Variants in FAM89A observed in about 807,000 individuals in gnomAD.
The protein encoded by FAM89A is family with sequence similarity 89 member A.
FAM89A carries 10 observed loss-of-function variants against 7.1 expected under a neutral mutation model. That is an observed-to-expected ratio of 1.40 (90% confidence interval 0.86 to 2.38). The LOEUF is 2.38. Among genes scored for constraint, FAM89A ranks in the 30% most tolerant of loss-of-function variants. The pLI is 0.00. For synonymous variants in FAM89A, 157 were observed against 129.3 expected (o/e 1.21, Z -1.45); for missense variants, 276 against 262.8 (o/e 1.05, Z -0.35).
At position 231,022,326 on chromosome 1, in the gene FAM89A, T is replaced by C. The variant is rs1466270782; in HGVS notation, c.292-2200A>G. On this transcript the variant is annotated intron_variant, in intron 1 of 1. Transcript: ENST00000366654. Reference sequence around the variant, plus strand: ...CTCTTTTGTTTCCAACCCCTTCCTTTTGTTATCTCCAGTTTGATGCTATGG... The same window carrying C: ...CTCTTTTGTTTCCAACCCCTTCCTTCTGTTATCTCCAGTTTGATGCTATGG... 4.8e-6 allele frequency: 3 copies of C among 629,738 alleles called. No individual in the cohort carries two copies. In the African/African-American group the frequency reaches 5.5e-5, roughly 11 times the overall value. 39.0% of individuals were successfully genotyped at this position (629,738 alleles called of 1,614,324 possible).
intron 1 of FAM89A, among the ~76,000 whole-genome samples, chr1:231,029,161 A>G (rs1680026194): frequency 1.3e-5 from 2 of 152,242 alleles, no homozygotes; most frequent in East Asian, 1.9e-4. Flanking sequence ...AAACCAAAAC[A>G]TCATGAAAAA....
intron 1 of FAM89A, chr1:231,026,750 T>C (rs1048240258): frequency 2.0e-5 from 3 of 152,200 alleles, no homozygotes; most frequent in Non-Finnish European, 2.9e-5. Flanking sequence ...CTCTGCAGAA[T>C]TGCATCTGGA....
In FAM89A at chr1:231,025,218, G is replaced by C. The variant is rs879923107; in HGVS notation, c.292-5092C>G. ...ATTACAGGCGTGAGCCACCGTGCCC[G>C]GCCACCACAACTACCCTTGACACCA... On this transcript the variant is annotated intron_variant, in intron 1 of 1. Coordinates refer to ENST00000366654, the MANE Select transcript of FAM89A (RefSeq NM_198552.3). Among the ~76,000 whole-genome samples, 3 of 151,960 alleles carry C rather than the reference G, an allele frequency of 2.0e-5. No individual in the cohort carries two copies. In the East Asian group the frequency reaches 5.8e-4, roughly 29 times the overall value.
chr1:231,031,807 ATTC>A (rs1680074093), intron 1 of FAM89A, among the ~76,000 whole-genome samples: 2 of 152,140 alleles, frequency 1.3e-5, no homozygotes, highest in African/African-American at 4.8e-5. Flanking sequence ...TAGTTACCAT[ATTC>A]TTTTCAACAA....
intron 1 of FAM89A, chr1:231,022,214 G>A: frequency 1.0e-6 from 1 of 953,530 alleles, no homozygotes; most frequent in Non-Finnish European, 1.7e-6. Flanking sequence ...AGAGACGGAT[G>A]GACAATCAGG....
At chr1:231,024,704 T>A (rs901672445) in intron 1 of FAM89A, among the ~76,000 whole-genome samples, 1 of 151,970 alleles carries the variant, frequency 6.6e-6, no homozygotes, top group Non-Finnish European at 1.5e-5. Flanking sequence ...GCCTGGCTAA[T>A]TTTTTAAAGA....
At chr1:231,026,767 C>T (rs886911056) in intron 1 of FAM89A, 2 of 152,192 alleles carry the variant, frequency 1.3e-5, no homozygotes, top group Non-Finnish European at 2.9e-5. Flanking sequence ...TGGATGCCAT[C>T]AACATGCCCC....
intron 1 of FAM89A, among the ~76,000 whole-genome samples, chr1:231,024,914 CT>C (rs60500715): frequency 0.016 from 990 of 63,384 alleles, 7 homozygotes; most frequent in African/African-American, 0.034. Flanking sequence ...CACAACTACT[CT>C]TTTTTTTTTT....
At position 231,019,886 on chromosome 1, in the gene FAM89A, C is replaced by A. The variant is rs772422568; in HGVS notation, c.532G>T (p.Asp178Tyr). The change falls in exon 2 of 2, where the codon GAC (aspartate) becomes TAC (tyrosine). Residue 178 changes from aspartate to tyrosine, a missense_variant. Asp to Tyr is a radical substitution (Grantham distance 160). Transcript: ENST00000366654. ...SLPVSSLSSS[D>Y]WILESI ...CTCTAGATGGACTCCAGAATCCAGT[C>A]GCTGCTGGAGAGGGAGGAGACAGGC... 3.7e-6 allele frequency: 6 copies of A among 1,614,080 alleles called. No individual in the cohort carries two copies. The South Asian group carries it at 4.4e-5, about 12-fold the overall frequency.
At chr1:231,039,313 G>A (rs998049012) in intron 1 of FAM89A, among the ~76,000 whole-genome samples, 3 of 152,222 alleles carry the variant, frequency 2.0e-5, no homozygotes, top group African/African-American at 7.2e-5. Flanking sequence ...TGGGCAATCA[G>A]CTTCGCGGGG....
chr1:231,033,059 T>C (rs1445856905), intron 1 of FAM89A, among the ~76,000 whole-genome samples: 1 of 152,240 alleles, frequency 6.6e-6, no homozygotes, highest in Non-Finnish European at 1.5e-5. Context: ...GCTAAAGGTT[T>C]TTCTGTCTCC....
intron 1 of FAM89A, among the ~76,000 whole-genome samples, chr1:231,024,009 A>T (rs1679920757): frequency 6.6e-6 from 1 of 152,246 alleles, no homozygotes; most frequent in African/African-American, 2.4e-5. Flanking sequence ...AAAAAGATTT[A>T]AAAATGTGTT....
Position 231,019,633 on chromosome 1 carries a change from A to T in FAM89A, c.*230T>A, listed in dbSNP as rs539526199. The T allele has an allele frequency of 9.3e-6, 5 of 537,302 alleles. No homozygotes were observed. The African/African-American group carries it at 9.4e-5, about 10-fold the overall frequency. 33.3% of individuals were successfully genotyped at this position (537,302 alleles called of 1,614,324 possible). A position where few individuals can be genotyped will look rare whatever the true frequency, so the allele number is the denominator to read the frequency against. Reference sequence around the variant, plus strand: ...GCACCTCAATAAATAGGTGTGGAGGATACTGCTGAGGACCTCTAGGTCACC... The same window carrying T: ...GCACCTCAATAAATAGGTGTGGAGGTTACTGCTGAGGACCTCTAGGTCACC... On this transcript the variant is annotated 3_prime_UTR_variant, in exon 2 of 2. Coordinates refer to ENST00000366654, the MANE Select transcript of FAM89A (RefSeq NM_198552.3).
At position 231,019,078 on chromosome 1, in the gene FAM89A, C is replaced by A. The variant is rs190179688; in HGVS notation, c.*785G>T. On this transcript the variant is annotated 3_prime_UTR_variant, in exon 2 of 2. Coordinates refer to ENST00000366654, the MANE Select transcript of FAM89A (RefSeq NM_198552.3). ...GTTTGAGTGGCGGGTGGTTTGCTTT[C>A]TAGCACACTAGTTTACATTCGGAAT... The A allele has an allele frequency of 2.3e-4, 35 of 151,918 alleles. No homozygotes were observed. Among genetic ancestry groups the A allele is most frequent in the Non-Finnish European group, 4.4e-5 (3 of 67,980 alleles). 9.4% of individuals were successfully genotyped at this position (151,918 alleles called of 1,614,324 possible). A position where few individuals can be genotyped will look rare whatever the true frequency, so the allele number is the denominator to read the frequency against.
chr1:231,039,831 G>C (rs1189181077), intron 1 of FAM89A, 90 bp downstream of exon 1: 10 of 1,201,030 alleles, frequency 8.3e-6, no homozygotes, highest in Admixed American at 4.3e-5. Context: ...GGTGGGCGCG[G>C]GGACTTCCGG....
At position 231,040,165 on chromosome 1, in the gene FAM89A, A is replaced by G; in HGVS notation, c.47T>C (p.Val16Ala). 8.3e-7 allele frequency: 1 copy of G among 1,200,946 alleles called. No individual in the cohort carries two copies. Among genetic ancestry groups the G allele is most frequent in the Non-Finnish European group, 1.0e-6 (1 of 968,982 alleles). 74.4% of individuals were successfully genotyped at this position (1,200,946 alleles called of 1,614,324 possible). A position where few individuals can be genotyped will look rare whatever the true frequency, so the allele number is the denominator to read the frequency against. Residue 16 changes from valine to alanine, a missense_variant, in exon 1 of 2, where the codon GTC becomes GCC. Transcript: ENST00000366654. ...CAGCCCGTCCACCCGCAGCCCCCGG[A>G]CCGCGCCGTTGCCCGCGGCCCCGGG... is the stretch of plus-strand genomic sequence containing the variant. ...AAPGAAGNGA[V>A]RGLRVDGLPP...
chr1:231,021,564 A>T (rs1679878373), intron 1 of FAM89A: 4 of 1,125,048 alleles, frequency 3.6e-6, no homozygotes, highest in Non-Finnish European at 5.4e-6. Context: ...ACCTTGGTAT[A>T]GATCACTTCC....
chr1:231,032,474 A>G (rs924802048), intron 1 of FAM89A, among the ~76,000 whole-genome samples: 2 of 148,596 alleles, frequency 1.3e-5, no homozygotes, highest in African/African-American at 5.0e-5. Flanking sequence ...TACCTTTGTC[A>G]GTCTTGGAGG....
At chr1:231,038,010 G>A (rs904520453) in intron 1 of FAM89A, among the ~76,000 whole-genome samples, 14 of 152,162 alleles carry the variant, frequency 9.2e-5, no homozygotes, top group African/African-American at 3.4e-4. Context: ...CCCAGTTCTT[G>A]TTTTGCAAGG....
Sources: gnomAD v4.1 joint callset for allele counts (sites outside exome capture counted in the v4.1 genomes callset) on GRCh38, gnomAD v4.1.1 for gene constraint, MANE v1.5 for transcripts, NCBI Gene and HGNC (gene_info 2026-07-23, HGNC 2026-07-21) for gene names.